The following RASSF8 variants were observed in gnomAD, a reference collection of about 807,000 sequenced individuals.
RASSF8 encodes ras association domain-containing protein 8.
RASSF8 carries 22 observed loss-of-function variants against 48.5 expected under a neutral mutation model. The observed-to-expected ratio is 0.45, with a 90% confidence interval of 0.32 to 0.65. RASSF8 has a LOEUF of 0.65. Ranked by LOEUF, RASSF8 falls within the 30% of genes least tolerant of loss-of-function variation. The pLI, the probability that RASSF8 is intolerant of heterozygous loss-of-function variation, is 0.03. For synonymous variants in RASSF8, 127 were observed against 171.5 expected, an observed-to-expected ratio of 0.74 and a Z score of 2.03; for missense variants, 418 against 489.2, an observed-to-expected ratio of 0.85 and a Z score of 1.37.
chr12:26,002,254 A>T (rs575748308), intron 2 of RASSF8, among the ~76,000 whole-genome samples: 11 of 151,456 alleles, frequency 7.3e-5, no homozygotes, highest in Non-Finnish European at 1.3e-4. Flanking sequence ...CCAACATGGC[A>T]AAACCCTGTC....
At chr12:26,066,375 T>G (rs1943875606) in intron 4 of RASSF8, among the ~76,000 whole-genome samples, 1 of 152,178 alleles carries the variant, frequency 6.6e-6, no homozygotes, top group South Asian at 2.1e-4. Context: ...AAGAGCTGCT[T>G]TAGAACATCA....
chr12:26,021,683 T>C (rs1302188681), intron 2 of RASSF8, among the ~76,000 whole-genome samples: 1 of 152,234 alleles, frequency 6.6e-6, no homozygotes, highest in South Asian at 2.1e-4. Context: ...CAAGCTGCCA[T>C]TACCTTGCTT....
At chr12:26,034,846 AC>A (rs202204357) in intron 2 of RASSF8, among the ~76,000 whole-genome samples, 2,573 of 152,162 alleles carry the variant, frequency 0.017, 74 homozygotes, top group African/African-American at 0.058. Flanking sequence ...TTAAAAAAAA[AC>A]ATCTAACTAA....
intron 2 of RASSF8, among the ~76,000 whole-genome samples, chr12:26,025,610 ACT>A (rs1284360538): frequency 1.3e-5 from 2 of 151,356 alleles, no homozygotes; most frequent in African/African-American, 2.4e-5. Flanking sequence ...AAAAGAACTA[ACT>A]CTGTTTGCAG....
Position 25,988,047 on chromosome 12 carries a change from G to C in RASSF8, c.-202-6990G>C, listed in dbSNP as rs1057065842. On this transcript the variant is annotated intron_variant, in intron 1 of 5. Transcript: ENST00000689635. The stretch of plus-strand genomic sequence containing the variant: ...TTTTTTTTTTTTTGTACTTTTAGTA[G>C]AGACAAGGTTTCACCATGCTGGCCA... Among the ~76,000 whole-genome samples, 50 of 148,130 alleles carry C rather than the reference G, an allele frequency of 3.4e-4. 1 individual carries two copies.
At chr12:26,018,643 A>T (rs1994997) in intron 2 of RASSF8, among the ~76,000 whole-genome samples, 1 of 151,848 alleles carries the variant, frequency 6.6e-6, no homozygotes, top group Admixed American at 6.6e-5. Flanking sequence ...AGGTGACCCT[A>T]TGTTGTTCTT....
At position 25,973,200 on chromosome 12, in the gene RASSF8, C is replaced by T. The variant is rs576735417; in HGVS notation, c.-203+14052C>T. ...AAATATTCTGTAATCATAAAAAGAT[C>T]GCTATTTTTTTTTTTTTTAGAAGCA... On this transcript the variant is annotated intron_variant, in intron 1 of 5. Coordinates refer to ENST00000689635, the MANE Select transcript of RASSF8 (RefSeq NM_001394098.1). Among the ~76,000 whole-genome samples, 453 of 135,516 alleles carry T rather than the reference C, an allele frequency of 3.3e-3. 4 individuals carry two copies. The highest frequency in any genetic ancestry group is 0.013 in the African/African-American group (435 of 33,456). The allele number at this position is 135,516 out of a possible 152,430, so 88.9% of individuals were successfully genotyped here. A position where few individuals can be genotyped will look rare whatever the true frequency, so the allele number is the denominator to read the frequency against.
At chr12:26,025,846 A>G (rs1942900663) in intron 2 of RASSF8, among the ~76,000 whole-genome samples, 1 of 152,068 alleles carries the variant, frequency 6.6e-6, no homozygotes, top group South Asian at 2.1e-4. Flanking sequence ...TGCAAAAGTT[A>G]TACACTGAAA....
intron 2 of RASSF8, among the ~76,000 whole-genome samples, chr12:26,004,400 C>A (rs1201399328): frequency 6.6e-6 from 1 of 152,166 alleles, no homozygotes; most frequent in Non-Finnish European, 1.5e-5. Flanking sequence ...CTGTCTTAGT[C>A]TACAGTTGAC....
chr12:25,961,661 TA>T (rs1941237947), intron 1 of RASSF8, among the ~76,000 whole-genome samples: 2 of 152,246 alleles, frequency 1.3e-5, no homozygotes, highest in South Asian at 4.1e-4. Flanking sequence ...TACCACTACT[TA>T]AAGGGATGCT....
chr12:26,070,898 T>C lies in RASSF8; in HGVS notation c.*2080T>C. On this transcript the variant is annotated 3_prime_UTR_variant, in exon 6 of 6. Transcript: ENST00000689635. The stretch of plus-strand genomic sequence containing the variant: ...CAATATCCAACTCATTATAAATTGT[T>C]ATCAGAATTAACCTAATAACTTTAA... The C allele has an allele frequency of 1.0e-6, 1 of 985,012 alleles. No individual in the cohort carries two copies. Among genetic ancestry groups the C allele is most frequent in the Non-Finnish European group, 1.2e-6 (1 of 829,536 alleles). The allele number at this position is 985,012 out of a possible 1,614,324, so 61.0% of individuals were successfully genotyped here. A position where few individuals can be genotyped will look rare whatever the true frequency, so the allele number is the denominator to read the frequency against.
chr12:26,030,560 T>A (rs1943008469), intron 2 of RASSF8, among the ~76,000 whole-genome samples: 2 of 152,228 alleles, frequency 1.3e-5, no homozygotes, highest in South Asian at 4.1e-4. Flanking sequence ...GTGCTGTTAC[T>A]AATGCCATAG....
intron 2 of RASSF8, among the ~76,000 whole-genome samples, chr12:26,008,691 G>A (rs1210311433): frequency 6.6e-6 from 1 of 152,168 alleles, no homozygotes; most frequent in East Asian, 1.9e-4. Flanking sequence ...AATGTCATAT[G>A]GGTGGCTTGA....
At chr12:25,973,520 G>A (rs1941532076) in intron 1 of RASSF8, among the ~76,000 whole-genome samples, 1 of 152,158 alleles carries the variant, frequency 6.6e-6, no homozygotes, top group Admixed American at 6.5e-5. Context: ...CTTAACTTGA[G>A]ATGCTGAGTT....
At chr12:25,983,323 C>T (rs959693231) in intron 1 of RASSF8, among the ~76,000 whole-genome samples, 1 of 152,050 alleles carries the variant, frequency 6.6e-6, no homozygotes, top group Non-Finnish European at 1.5e-5. Context: ...GGTTTAATGG[C>T]AAACTAGACA....
At chr12:26,063,124 T>TA (rs920548590) in intron 3 of RASSF8, among the ~76,000 whole-genome samples, 2 of 152,184 alleles carry the variant, frequency 1.3e-5, no homozygotes, top group Non-Finnish European at 2.9e-5. Context: ...TCATGAAATT[T>TA]AAAAAAGAAA....
intron 5 of RASSF8, chr12:26,078,974 AAC>A: frequency 6.7e-7 from 1 of 1,492,180 alleles, no homozygotes. Flanking sequence ...TGTATACAAA[AAC>A]AAATTCACCA....
intron 2 of RASSF8, among the ~76,000 whole-genome samples, chr12:26,010,161 T>C (rs1043627127): frequency 2.0e-5 from 3 of 152,018 alleles, no homozygotes; most frequent in Non-Finnish European, 4.4e-5. Context: ...ACCAGAAGGC[T>C]TCCTTACTGT....
At chr12:25,966,270 A>G (rs1329895541) in intron 1 of RASSF8, among the ~76,000 whole-genome samples, 1 of 152,106 alleles carries the variant, frequency 6.6e-6, no homozygotes, top group Admixed American at 6.6e-5. Context: ...TTTTAATTTT[A>G]AAGACAGGGT....
Sources: gnomAD v4.1 joint callset for allele counts (sites outside exome capture counted in the v4.1 genomes callset) on GRCh38, gnomAD v4.1.1 for gene constraint, MANE v1.5 for transcripts, NCBI Gene and HGNC (gene_info 2026-07-23, HGNC 2026-07-21) for gene names.